Variants in GRM5 observed in about 807,000 individuals in gnomAD.
GRM5 encodes metabotropic glutamate receptor 5.
In GRM5, 19 loss-of-function variants were observed where a neutral mutation model predicts 83.1. The ratio of observed to expected loss-of-function variants is 0.23; its 90% CI spans 0.16 to 0.34. The LOEUF is 0.34. Among genes scored for constraint, GRM5 ranks in the 10% least tolerant of loss-of-function variants. GRM5 has a pLI of 1.00. For missense variants in GRM5, 1,160 were observed against 1,588.3 expected (o/e 0.73, Z 4.58); for synonymous variants, 675 against 633.6 (o/e 1.07, Z -0.98).
In GRM5 at chr11:88,849,897, A is replaced by G. The variant is rs1277275836; in HGVS notation, c.911+9T>C. On this transcript the variant is annotated intron_variant, in intron 3 of 9. Coordinates refer to ENST00000305447, the MANE Select transcript of GRM5 (RefSeq NM_001143831.3). The stretch of plus-strand genomic sequence containing the variant: ...TTAACTCCATGTAAATTTTCTTATT[A>G]TCACTCACCTGCCCAGAAGCAGAAA... The G allele has an allele frequency of 1.2e-6, 2 of 1,613,298 alleles. No individual in the cohort carries two copies. Among genetic ancestry groups the G allele is most frequent in the Non-Finnish European group, 1.7e-6 (2 of 1,179,490 alleles).
At chr11:88,751,301 C>T (rs896641689) in intron 3 of GRM5, among the ~76,000 whole-genome samples, 3 of 152,026 alleles carry the variant, frequency 2.0e-5, no homozygotes, top group African/African-American at 7.2e-5. Context: ...GGAATTTAAA[C>T]AACCATCAGA....
At chr11:88,988,195 G>A (rs1273014176) in intron 2 of GRM5, among the ~76,000 whole-genome samples, 3 of 151,940 alleles carry the variant, frequency 2.0e-5, no homozygotes, top group Admixed American at 6.6e-5. Flanking sequence ...ACCAAGGCTC[G>A]AGAACTACGC....
chr11:88,984,749 G>A (rs953519871), intron 2 of GRM5: 3 of 718,592 alleles, frequency 4.2e-6, no homozygotes, highest in African/African-American at 3.5e-5. Context: ...AGAAAGAAAG[G>A]TATTTATTTG....
chr11:88,756,542 T>A (rs1049114011), intron 3 of GRM5, among the ~76,000 whole-genome samples: 1 of 152,170 alleles, frequency 6.6e-6, no homozygotes, highest in African/African-American at 2.4e-5. Context: ...TAGTACTATA[T>A]GATTTTTTGA....
chr11:89,041,777 G>A (rs756374631), intron 2 of GRM5, among the ~76,000 whole-genome samples: 3 of 152,178 alleles, frequency 2.0e-5, no homozygotes, highest in South Asian at 2.1e-4. Context: ...CCCAGATTAC[G>A]GATCCAGATC....
chr11:88,513,610 C>T (rs1941442211), intron 9 of GRM5, among the ~76,000 whole-genome samples: 1 of 152,042 alleles, frequency 6.6e-6, no homozygotes, highest in Admixed American at 6.5e-5. Context: ...AGTAAAATTG[C>T]TCAGTGGTGA....
intron 8 of GRM5, among the ~76,000 whole-genome samples, chr11:88,544,573 C>G (rs1391905255): frequency 6.6e-6 from 1 of 152,200 alleles, no homozygotes. Flanking sequence ...CTCTAGGGGG[C>G]CTTGTTCATC....
chr11:88,747,701 C>G (rs1942172185), intron 3 of GRM5, among the ~76,000 whole-genome samples: 1 of 102,852 alleles, frequency 9.7e-6, no homozygotes, highest in African/African-American at 2.9e-5. Context: ...AACCGGCTAT[C>G]CAGGAAAAAA....
intron 2 of GRM5, among the ~76,000 whole-genome samples, chr11:88,922,161 C>G (rs540088114): frequency 2.0e-5 from 3 of 152,068 alleles, no homozygotes; most frequent in African/African-American, 7.2e-5. Flanking sequence ...CCCATAACAC[C>G]CAAAGCAATC....
chr11:88,633,841 T>A (rs1316959594), intron 4 of GRM5, among the ~76,000 whole-genome samples: 1 of 152,168 alleles, frequency 6.6e-6, no homozygotes, highest in Non-Finnish European at 1.5e-5. Context: ...TTTAGTTAAT[T>A]TTTATATACA....
At chr11:88,831,786 G>A (rs1943999135) in intron 3 of GRM5, among the ~76,000 whole-genome samples, 1 of 152,140 alleles carries the variant, frequency 6.6e-6, no homozygotes, top group Non-Finnish European at 1.5e-5. Flanking sequence ...TTCTGCCACT[G>A]CTACTCCCAT....
intron 3 of GRM5, among the ~76,000 whole-genome samples, chr11:88,709,909 G>T (rs1253229432): frequency 1.3e-5 from 2 of 152,152 alleles, no homozygotes; most frequent in Non-Finnish European, 2.9e-5. Context: ...GAGGAAGTTG[G>T]AAAGAAAGCA....
chr11:88,696,578 T>C (rs1284131995), intron 3 of GRM5, among the ~76,000 whole-genome samples: 1 of 152,174 alleles, frequency 6.6e-6, no homozygotes, highest in African/African-American at 2.4e-5. Flanking sequence ...ATCTGTAAGA[T>C]AATAATTGGG....
intron 2 of GRM5, among the ~76,000 whole-genome samples, chr11:89,005,050 T>C (rs1409953520): frequency 6.6e-6 from 1 of 152,190 alleles, no homozygotes; most frequent in East Asian, 1.9e-4. Flanking sequence ...GCTTAGGACA[T>C]TACTGACTTC....
At chr11:89,009,625 G>C (rs1342757734) in intron 2 of GRM5, among the ~76,000 whole-genome samples, 14 of 151,556 alleles carry the variant, frequency 9.2e-5, no homozygotes, top group African/African-American at 3.4e-4. Flanking sequence ...GGCCGGGCGC[G>C]GTGGCTCACG....
At chr11:88,979,916 T>C (rs1214407620) in intron 2 of GRM5, among the ~76,000 whole-genome samples, 1 of 152,204 alleles carries the variant, frequency 6.6e-6, no homozygotes, top group Non-Finnish European at 1.5e-5. Flanking sequence ...CCCAGATTCT[T>C]ATTGAAGACC....
At chr11:88,785,146 G>C (rs1280906682) in intron 3 of GRM5, among the ~76,000 whole-genome samples, 1 of 151,986 alleles carries the variant, frequency 6.6e-6, no homozygotes, top group Non-Finnish European at 1.5e-5. Context: ...GGAGTGTATG[G>C]GATTATCTTT....
chr11:88,520,901 T>C (rs1004641140), intron 9 of GRM5, among the ~76,000 whole-genome samples: 3 of 152,166 alleles, frequency 2.0e-5, no homozygotes, highest in African/African-American at 4.8e-5. Context: ...ACTCAACTAA[T>C]TGAAAGTTAA....
chr11:88,756,476 ACAT>A (rs1942396074), intron 3 of GRM5, among the ~76,000 whole-genome samples: 1 of 152,164 alleles, frequency 6.6e-6, no homozygotes, highest in Non-Finnish European at 1.5e-5. Flanking sequence ...AAGAGATAAG[ACAT>A]CAGCATGACA....
Sources: allele counts gnomAD v4.1 joint callset (sites outside exome capture counted in the v4.1 genomes callset), GRCh38; gene constraint gnomAD v4.1.1; transcripts MANE v1.5; gene names NCBI Gene and HGNC (gene_info 2026-07-23, HGNC 2026-07-21).